Variants in LPAR3 observed in about 807,000 individuals in gnomAD.
LPAR3 encodes LPA receptor 3.
A neutral mutation model predicts 17.8 loss-of-function variants in LPAR3; 7 were observed. That is an observed-to-expected ratio of 0.39 (90% CI 0.22 to 0.74). The LOEUF is 0.74. Among genes scored for constraint, LPAR3 ranks in the 30% least tolerant of loss-of-function variants. LPAR3 has a pLI of 0.40. For missense variants in LPAR3, 391 were observed against 453.4 expected, an observed-to-expected ratio of 0.86 and a Z score of 1.25; for synonymous variants, 179 against 179.9, an observed-to-expected ratio of 0.99 and a Z score of 0.04.
At chr1:84,850,393 C>CAAAAAAAAAAAAAA (rs561506398) in intron 2 of LPAR3, among the ~76,000 whole-genome samples, 4 of 38,734 alleles carry the variant, frequency 1.0e-4, no homozygotes, top group African/African-American at 1.1e-4. Flanking sequence ...TCTGTCTCTA[C>CAAAAAAAAAAAAAA]AAAAAAAAAA....
intron 2 of LPAR3, among the ~76,000 whole-genome samples, chr1:84,831,402 G>A (rs1023491127): frequency 2.6e-5 from 4 of 152,148 alleles, no homozygotes; most frequent in African/African-American, 7.2e-5. Flanking sequence ...GCTGTAAGGA[G>A]CTATGATTGT....
chr1:84,890,588 G>A (rs920635178), intron 1 of LPAR3, among the ~76,000 whole-genome samples: 5 of 152,154 alleles, frequency 3.3e-5, no homozygotes, highest in Admixed American at 6.5e-5. Context: ...CAAAGCCTTG[G>A]TCTTCCATTT....
chr1:84,872,775 G>A (rs151144718), intron 1 of LPAR3, among the ~76,000 whole-genome samples: 1,707 of 152,264 alleles, frequency 0.011, 26 homozygotes, highest in African/African-American at 0.039. Flanking sequence ...GAAATGGGGC[G>A]GGCGGTGGGG....
At chr1:84,890,423 C>T (rs1018993525) in intron 1 of LPAR3, among the ~76,000 whole-genome samples, 1 of 152,178 alleles carries the variant, frequency 6.6e-6, no homozygotes, top group African/African-American at 2.4e-5. Flanking sequence ...GGAGTACTTC[C>T]TGTATATGAG....
chr1:84,816,821 A>T (rs1400196321), intron 2 of LPAR3, among the ~76,000 whole-genome samples: 4 of 152,160 alleles, frequency 2.6e-5, no homozygotes, highest in Non-Finnish European at 5.9e-5. Context: ...GCAAAAAAAT[A>T]TATAAATATC....
chr1:84,873,820 T>C (rs1414931992), intron 1 of LPAR3, among the ~76,000 whole-genome samples: 2 of 151,634 alleles, frequency 1.3e-5, no homozygotes, highest in Non-Finnish European at 2.9e-5. Flanking sequence ...TGGCACAATC[T>C]CTGCTCACTG....
rs371372104 is a variant in LPAR3 at position 84,835,447 on chromosome 1, ATGTGTGTACG to A, written c.737-21286_737-21277del. Among the ~76,000 whole-genome samples, 575 of 152,054 alleles carry A rather than the reference ATGTGTGTACG, an allele frequency of 3.8e-3. 2 individuals are homozygous for A. The highest frequency in any genetic ancestry group is 4.5e-3 in the African/African-American group (188 of 41,466). ...ATCTTTGTGGAGTTGTGATTCGCAA[ATGTGTGTACG>A]TGTGTGTACGTGTGTGTACGTGTGT... On this transcript the variant is annotated intron_variant, in intron 2 of 2. Coordinates refer to ENST00000370611, the MANE Select transcript of LPAR3 (RefSeq NM_012152.3).
chr1:84,844,596 A>C (rs1659563559), intron 2 of LPAR3, among the ~76,000 whole-genome samples: 1 of 152,206 alleles, frequency 6.6e-6, no homozygotes, highest in South Asian at 2.1e-4. Flanking sequence ...AATGGCAAAA[A>C]ATTAGAAATA....
intron 1 of LPAR3, among the ~76,000 whole-genome samples, chr1:84,875,161 A>C (rs6674147): frequency 0.72 from 109,654 of 152,108 alleles, 40,591 homozygotes; most frequent in African/African-American, 0.88. Context: ...TGGTCTCCCA[A>C]AGTGCTGAGA....
chr1:84,863,870 C>T (rs933589582), intron 2 of LPAR3, among the ~76,000 whole-genome samples: 8 of 152,170 alleles, frequency 5.3e-5, no homozygotes, highest in Non-Finnish European at 8.8e-5. Flanking sequence ...TTCTCCTCCA[C>T]CTCTCATCTT....
At chr1:84,817,201 T>G (rs1658950227) in intron 2 of LPAR3, among the ~76,000 whole-genome samples, 1 of 151,064 alleles carries the variant, frequency 6.6e-6, no homozygotes. Context: ...TTTTAGTTTT[T>G]TTCTTCTGGA....
chr1:84,835,495 A>C (rs903658277), intron 2 of LPAR3, among the ~76,000 whole-genome samples: 9 of 152,138 alleles, frequency 5.9e-5, no homozygotes, highest in African/African-American at 2.2e-4. Flanking sequence ...GTTTTATCTA[A>C]ACAATGAGCA....
At chr1:84,843,375 A>G (rs1040363055) in intron 2 of LPAR3, among the ~76,000 whole-genome samples, 1 of 151,914 alleles carries the variant, frequency 6.6e-6, no homozygotes, top group Non-Finnish European at 1.5e-5. Flanking sequence ...CTTCCAACAA[A>G]CCTCTTTTTT....
rs1660027188 is a variant in LPAR3, at chr1:84,865,568, T to C, written c.553A>G (p.Arg185Gly). The C allele has an allele frequency of 6.2e-7, 1 of 1,614,216 alleles. No individual in the cohort carries two copies. The highest frequency in any genetic ancestry group is 8.5e-7 in the Non-Finnish European group (1 of 1,180,048). ...ACSSLAPIYS[R>G]SYLVFWTVSN... ...ACTGTCCAGAAAACAAGGTAACTCC[T>C]GCTGTAAATGGGGGCCAGGGAAGAG... The change falls in exon 2 of 3, where the codon AGG becomes GGG. Residue 185 changes from arginine (R) to glycine (G), a missense_variant. Arg to Gly is a moderately radical substitution (Grantham distance 125). Coordinates refer to ENST00000370611, the MANE Select transcript of LPAR3 (RefSeq NM_012152.3).
intron 1 of LPAR3, among the ~76,000 whole-genome samples, chr1:84,891,440 G>C (rs766616719): frequency 1.3e-5 from 2 of 152,210 alleles, no homozygotes; most frequent in Non-Finnish European, 2.9e-5. Flanking sequence ...AACTCTGACT[G>C]GCAGGGTTTG....
In LPAR3 at chr1:84,849,372, CA is replaced by C. The variant is rs34239236; in HGVS notation, c.736+16012del. Among the ~76,000 whole-genome samples, 125 of 77,544 alleles carry C rather than the reference CA, an allele frequency of 1.6e-3. 1 individual carries two copies. Among genetic ancestry groups the C allele is most frequent in the East Asian group, 0.01 (25 of 2,444 alleles). The allele number at this position is 77,544 out of a possible 152,430, so 50.9% of individuals were successfully genotyped here. On this transcript the variant is annotated intron_variant, in intron 2 of 2. Transcript: ENST00000370611. ...CCTGGTGACAGAGTGAGACTCATCT[CA>C]AAAAAAAAAAAAAAAAAAAAGAAAG... is the stretch of plus-strand genomic sequence containing the variant.
At chr1:84,851,194 AGTT>A (rs1182283674) in intron 2 of LPAR3, among the ~76,000 whole-genome samples, 1 of 152,196 alleles carries the variant, frequency 6.6e-6, no homozygotes, top group African/African-American at 2.4e-5. Flanking sequence ...TTCTCAATAG[AGTT>A]GTTATTAGAA....
chr1:84,814,954 A>G (rs537514345), intron 2 of LPAR3, among the ~76,000 whole-genome samples: 1 of 152,218 alleles, frequency 6.6e-6, no homozygotes, highest in African/African-American at 2.4e-5. Context: ...TCTAAATTTC[A>G]TGATATTTTT....
intron 1 of LPAR3, among the ~76,000 whole-genome samples, chr1:84,871,852 C>A (rs1416750340): frequency 6.6e-6 from 1 of 152,128 alleles, no homozygotes; most frequent in Non-Finnish European, 1.5e-5. Context: ...TACCTCATTC[C>A]TGCTCAAATT....
Sources: allele counts gnomAD v4.1 joint callset (sites outside exome capture counted in the v4.1 genomes callset), GRCh38; gene constraint gnomAD v4.1.1; transcripts MANE v1.5; gene names NCBI Gene and HGNC (gene_info 2026-07-23, HGNC 2026-07-21).